Variants in OPHN1 observed in about 807,000 individuals in gnomAD.
OPHN1 encodes oligophrenin-1.
Under a neutral mutation model 60.7 loss-of-function variants are expected in OPHN1, and 11 were observed. The observed-to-expected ratio is 0.18, with a 90% CI of 0.11 to 0.30. The LOEUF (loss-of-function observed/expected upper bound fraction) is 0.30. OPHN1 is among the 10% of genes least tolerant of loss of function. OPHN1 has a pLI of 1.00. For synonymous variants in OPHN1, 226 were observed against 222.6 expected, an observed-to-expected ratio of 1.02 and a Z score of -0.14; for missense variants, 449 against 611.0, an observed-to-expected ratio of 0.73 and a Z score of 2.80.
At chrX:68,145,752 T>C (rs769420524) in intron 15 of OPHN1, among the ~76,000 whole-genome samples, 1 of 112,227 alleles carries the variant, frequency 8.9e-6, no homozygotes, top group South Asian at 3.7e-4. Flanking sequence ...TTACATTTAA[T>C]CCAAATGGTA....
At chrX:68,403,160 T>C (rs2078724014) in intron 2 of OPHN1, among the ~76,000 whole-genome samples, 1 of 112,040 alleles carries the variant, frequency 8.9e-6, no homozygotes, top group African/African-American at 3.2e-5. Context: ...GTGTGTTAAA[T>C]AGGAAAAGCA....
At chrX:68,194,220 T>C (rs1056166975) in intron 13 of OPHN1, among the ~76,000 whole-genome samples, 18 of 112,558 alleles carry the variant, frequency 1.6e-4, no homozygotes, top group African/African-American at 5.8e-4. Context: ...AAAAATACAA[T>C]TTCTATCATG....
chrX:68,237,540 T>C (rs1302360841), intron 5 of OPHN1, among the ~76,000 whole-genome samples: 3 of 112,159 alleles, frequency 2.7e-5, no homozygotes, highest in Non-Finnish European at 5.6e-5. Flanking sequence ...TCAATGATGT[T>C]TTGTAGTTTT....
intron 20 of OPHN1, among the ~76,000 whole-genome samples, chrX:68,068,504 C>T (rs991901352): frequency 1.0e-5 from 1 of 99,812 alleles, no homozygotes; most frequent in Non-Finnish European, 2.0e-5. Flanking sequence ...GGTACAGCTG[C>T]TTTGGAAAAC....
intron 5 of OPHN1, among the ~76,000 whole-genome samples, chrX:68,266,018 T>G (rs1358896409): frequency 3.6e-5 from 4 of 111,344 alleles, no homozygotes; most frequent in South Asian, 3.8e-4. Context: ...CCAAGAAATA[T>G]GGGACTATGT....
intron 18 of OPHN1, among the ~76,000 whole-genome samples, chrX:68,106,072 CGAGA>C (rs1025818853): frequency 1.2e-5 from 1 of 81,409 alleles, no homozygotes; most frequent in African/African-American, 5.0e-5. Context: ...ACACACACAA[CGAGA>C]GAGAGAAAAA....
chrX:68,210,660 C>T (rs2077580746), intron 8 of OPHN1, among the ~76,000 whole-genome samples: 1 of 111,926 alleles, frequency 8.9e-6, no homozygotes, highest in African/African-American at 3.2e-5. Flanking sequence ...TAGCAACTTC[C>T]AAATTGTGTC....
chrX:68,151,611 A>G (rs113720796), intron 15 of OPHN1, among the ~76,000 whole-genome samples: 4 of 111,791 alleles, frequency 3.6e-5, no homozygotes, highest in African/African-American at 1.3e-4. Flanking sequence ...GTCACACAAC[A>G]GGTAAGACTG....
At chrX:68,293,134 T>A (rs1260752420) in intron 3 of OPHN1, among the ~76,000 whole-genome samples, 1 of 111,931 alleles carries the variant, frequency 8.9e-6, no homozygotes, top group African/African-American at 3.2e-5. Context: ...GCTTCTTTTT[T>A]CATTTTAGCC....
At chrX:68,414,244 A>G (rs2078783189) in intron 2 of OPHN1, among the ~76,000 whole-genome samples, 1 of 111,314 alleles carries the variant, frequency 9.0e-6, no homozygotes. Context: ...TCAAATGGTT[A>G]TTACTGAAAA....
chrX:68,284,004 T>C (rs2078029924), intron 3 of OPHN1, among the ~76,000 whole-genome samples: 1 of 111,211 alleles, frequency 9.0e-6, no homozygotes, highest in South Asian at 3.8e-4. Context: ...AGCTCAACCG[T>C]AGCATAGAAA....
intron 3 of OPHN1, among the ~76,000 whole-genome samples, chrX:68,285,735 G>A (rs868710180): frequency 1.8e-5 from 2 of 110,341 alleles, no homozygotes; most frequent in African/African-American, 6.6e-5. Flanking sequence ...CAGATTGAAT[G>A]ATCTCAATTC....
intron 19 of OPHN1, among the ~76,000 whole-genome samples, chrX:68,077,056 G>A (rs756343605): frequency 7.7e-4 from 86 of 111,476 alleles, no homozygotes; most frequent in Non-Finnish European, 1.1e-3. Flanking sequence ...CACTGAAAAG[G>A]ACATACAAAG....
intron 11 of OPHN1, among the ~76,000 whole-genome samples, chrX:68,201,297 C>T (rs1006298088): frequency 1.8e-5 from 2 of 112,188 alleles, no homozygotes; most frequent in East Asian, 5.6e-4. Flanking sequence ...GCTTTGTTAT[C>T]CTTTCCTTCT....
rs746503152 is a variant in OPHN1 at position 68,193,945 on chromosome X, T to C, written c.1146A>G (p.Leu382=). 1 of 1,206,647 alleles carries C rather than the reference T, an allele frequency of 8.3e-7. No homozygotes were observed. Among genetic ancestry groups the C allele is most frequent in the Non-Finnish European group, 1.1e-6 (1 of 890,949 alleles). Residue 382 remains leucine, a synonymous_variant, in exon 14 of 25, where the codon CTA becomes CTG. Transcript: ENST00000355520. ...TGACAAACTTGAAGCCCACTTCATT[T>C]AGCTCCACTGTTTCAAGCAAAGGAA... is the stretch of plus-strand genomic sequence containing the variant. ...SPITKQQEME[L]NEVGFKFVRK... is the part of the protein sequence containing the mutation.
chrX:68,359,710 G>T (rs771059851), intron 2 of OPHN1, among the ~76,000 whole-genome samples: 17 of 109,378 alleles, frequency 1.6e-4, no homozygotes, highest in Non-Finnish European at 2.1e-4. Context: ...CAAAAAATTA[G>T]CCAGGCATGG....
At position 68,295,162 on chromosome X, in the gene OPHN1, G is replaced by A. The variant is rs778554428; in HGVS notation, c.250+3839C>T. Reference sequence around the variant, plus strand: ...GATAAACGAGATCCTCAGGTGACTCGGATATGAAGTTATACGAGAAATAAT... The same window carrying A: ...GATAAACGAGATCCTCAGGTGACTCAGATATGAAGTTATACGAGAAATAAT... On this transcript the variant is annotated intron_variant, in intron 3 of 24. Transcript: ENST00000355520. 1.9e-3 allele frequency among the ~76,000 whole-genome samples: 210 copies of A among 111,954 alleles called. 2 individuals are homozygous for A. Among genetic ancestry groups the A allele is most frequent in the African/African-American group, 6.4e-3 (196 of 30,856 alleles).
intron 2 of OPHN1, among the ~76,000 whole-genome samples, chrX:68,334,881 CA>C (rs2078314192): frequency 9.1e-6 from 1 of 109,752 alleles, no homozygotes; most frequent in African/African-American, 3.3e-5. Flanking sequence ...GAGGCTGAGG[CA>C]GGAGGATTAT....
chrX:68,341,835 T>TA (rs1027943078), intron 2 of OPHN1, among the ~76,000 whole-genome samples: 5 of 109,211 alleles, frequency 4.6e-5, no homozygotes, highest in African/African-American at 1.3e-4. Context: ...AGACCCTATC[T>TA]AAAAAAAAGA....
Sources: gnomAD v4.1 joint callset for allele counts (sites outside exome capture counted in the v4.1 genomes callset) on GRCh38, gnomAD v4.1.1 for gene constraint, MANE v1.5 for transcripts, NCBI Gene and HGNC (gene_info 2026-07-23, HGNC 2026-07-21) for gene names.